GRB10: variants seen among roughly 807,000 people sequenced by gnomAD.
The protein encoded by GRB10 is growth factor receptor bound protein 10.
GRB10 carries 20 observed loss-of-function variants against 80.9 expected under a neutral mutation model. The ratio of observed to expected loss-of-function variants is 0.25; its 90% CI spans 0.17 to 0.36. The LOEUF (loss-of-function observed/expected upper bound fraction) is 0.36, where lower values mean the gene tolerates loss of function less well. GRB10 is among the 10% of genes least tolerant of loss of function. The pLI is 1.00. For missense variants in GRB10, 548 were observed against 747.7 expected (o/e 0.73, Z 3.12); for synonymous variants, 291 against 291.5 (o/e 1.00, Z 0.02).
chr7:50,781,802 C>T (rs184061927), intron 1 of GRB10, among the ~76,000 whole-genome samples: 81 of 152,336 alleles, frequency 5.3e-4, no homozygotes, highest in African/African-American at 1.9e-3. Context: ...TTTTTGAACT[C>T]CATCAAGAAC....
At chr7:50,737,888 G>T (rs534040853) in intron 3 of GRB10, among the ~76,000 whole-genome samples, 2 of 152,034 alleles carry the variant, frequency 1.3e-5, no homozygotes, top group Admixed American at 6.6e-5. Context: ...AAAAACAGAC[G>T]AATGCAATAA....
intron 7 of GRB10, among the ~76,000 whole-genome samples, chr7:50,668,541 G>A (rs1249746792): frequency 6.6e-6 from 1 of 152,140 alleles, no homozygotes. Context: ...CCTCAACTGT[G>A]GAACAGAGGG....
chr7:50,686,515 G>A (rs2062120483), intron 5 of GRB10, among the ~76,000 whole-genome samples: 1 of 152,314 alleles, frequency 6.6e-6, no homozygotes, highest in Admixed American at 6.5e-5. Context: ...TCCAGGGAGA[G>A]GGGATGCTCC....
chr7:50,773,889 G>C (rs558023203), intron 2 of GRB10, among the ~76,000 whole-genome samples: 2 of 152,250 alleles, frequency 1.3e-5, no homozygotes, highest in East Asian at 1.9e-4. Flanking sequence ...ACGAAGTCTC[G>C]CTCTATCACC....
At chr7:50,739,317 A>C (rs2153695772) in intron 3 of GRB10, among the ~76,000 whole-genome samples, 1 of 152,368 alleles carries the variant, frequency 6.6e-6, no homozygotes, top group African/African-American at 2.4e-5. Flanking sequence ...GAAACTCTAG[A>C]GTCTAGCAGA....
At chr7:50,666,965 A>C (rs915637830) in intron 7 of GRB10, among the ~76,000 whole-genome samples, 28 of 147,798 alleles carry the variant, frequency 1.9e-4, no homozygotes, top group African/African-American at 7.0e-4. Context: ...GCGTGAACCC[A>C]GGAGGCAGAG....
intron 3 of GRB10, among the ~76,000 whole-genome samples, chr7:50,743,715 A>G (rs906960692): frequency 6.6e-6 from 1 of 152,228 alleles, no homozygotes; most frequent in African/African-American, 2.4e-5. Flanking sequence ...GAACCAGGAG[A>G]GGCCGACACC....
Position 50,616,160 on chromosome 7 carries a change from G to T in GRB10, c.984+50C>A, listed in dbSNP as rs768200199. 8 of 1,611,494 alleles carry T rather than the reference G, an allele frequency of 5.0e-6. 1 individual carries two copies. In the East Asian group the frequency reaches 1.1e-4, roughly 22 times the overall value. Reference sequence around the variant, plus strand: ...CAGGTTCACTCTGAGGACCTGGGGGGAGTGACTGTGGCAGAATTAGGGCTG... The same window carrying T: ...CAGGTTCACTCTGAGGACCTGGGGGTAGTGACTGTGGCAGAATTAGGGCTG... On this transcript the variant is annotated intron_variant, in intron 11 of 18. Coordinates refer to ENST00000401949, the MANE Select transcript of GRB10 (RefSeq NM_001350814.2).
At chr7:50,648,512 A>G (rs1371458622) in intron 7 of GRB10, among the ~76,000 whole-genome samples, 1 of 152,230 alleles carries the variant, frequency 6.6e-6, no homozygotes, top group Non-Finnish European at 1.5e-5. Context: ...AGGAAGGCAG[A>G]GCCTCGACCC....
At chr7:50,706,841 T>C (rs1375192365) in intron 4 of GRB10, among the ~76,000 whole-genome samples, 1 of 152,198 alleles carries the variant, frequency 6.6e-6, no homozygotes, top group Non-Finnish European at 1.5e-5. Context: ...AATCTGCTCA[T>C]CTGTTTATGA....
intron 4 of GRB10, among the ~76,000 whole-genome samples, chr7:50,725,745 G>T (rs148548919): frequency 8.5e-5 from 13 of 152,260 alleles, no homozygotes; most frequent in African/African-American, 3.1e-4. Flanking sequence ...GTGGGATATA[G>T]GTATCCCTGA....
At chr7:50,654,596 G>A (rs1023942683) in intron 7 of GRB10, among the ~76,000 whole-genome samples, 1 of 152,134 alleles carries the variant, frequency 6.6e-6, no homozygotes, top group Non-Finnish European at 1.5e-5. Context: ...TCTTTGTTTA[G>A]CATTTTATTT....
chr7:50,640,354 T>C (rs1347996644), intron 7 of GRB10, among the ~76,000 whole-genome samples: 2 of 152,140 alleles, frequency 1.3e-5, no homozygotes, highest in African/African-American at 4.8e-5. Flanking sequence ...CAGAAGGACA[T>C]GTTGGAGGAA....
At chr7:50,619,046 A>G (rs1486286112) in intron 9 of GRB10, 124 bp downstream of exon 9, 1 of 702,206 alleles carries the variant, frequency 1.4e-6, no homozygotes, top group East Asian at 2.8e-5. Flanking sequence ...TACAACTCTG[A>G]TTCTCAAACC....
intron 17 of GRB10, among the ~76,000 whole-genome samples, chr7:50,596,270 G>A (rs1040326936): frequency 3.9e-5 from 6 of 152,234 alleles, no homozygotes; most frequent in African/African-American, 1.4e-4. Context: ...CCGGCCGACA[G>A]CATCTTCTTC....
chr7:50,640,688 C>T (rs1271292575), intron 7 of GRB10, among the ~76,000 whole-genome samples: 5 of 152,198 alleles, frequency 3.3e-5, no homozygotes, highest in South Asian at 2.1e-4. Context: ...AGCTTATTTG[C>T]CATCCAAATC....
intron 3 of GRB10, among the ~76,000 whole-genome samples, chr7:50,745,621 T>G (rs1260689604): frequency 6.6e-6 from 1 of 152,210 alleles, no homozygotes; most frequent in African/African-American, 2.4e-5. Flanking sequence ...AATAGTGAAT[T>G]TCATAACTGT....
upstream of GRB10, among the ~76,000 whole-genome samples, chr7:50,784,654 C>T (rs185506868): frequency 6.6e-6 from 1 of 152,350 alleles, no homozygotes; most frequent in East Asian, 1.9e-4. Flanking sequence ...TCTTGAAAAG[C>T]CAGACCTTCA....
intron 3 of GRB10, among the ~76,000 whole-genome samples, chr7:50,753,071 T>C (rs1350242193): frequency 1.3e-5 from 2 of 151,940 alleles, no homozygotes; most frequent in Non-Finnish European, 1.5e-5. Flanking sequence ...AGTGGGAGGG[T>C]TGCCCTGAGG....
Sources: gnomAD v4.1 joint callset for allele counts (sites outside exome capture counted in the v4.1 genomes callset) on GRCh38, gnomAD v4.1.1 for gene constraint, MANE v1.5 for transcripts, NCBI Gene and HGNC (gene_info 2026-07-23, HGNC 2026-07-21) for gene names.